Variants in RHBDD1 observed in about 807,000 individuals in gnomAD.
RHBDD1 encodes the protein rhomboid domain containing 1.
Under a neutral mutation model 36.3 loss-of-function variants are expected in RHBDD1, and 38 were observed. The observed-to-expected ratio is 1.05, with a 90% CI of 0.81 to 1.37. The LOEUF (loss-of-function observed/expected upper bound fraction) is 1.37, where lower values mean the gene tolerates loss of function less well. RHBDD1 is among the 40% of genes most tolerant of loss of function. The probability of loss-of-function intolerance (pLI) is 0.00; values close to 1 mark genes in which losing one functional copy is unlikely to be tolerated. For synonymous variants in RHBDD1, 151 were observed against 136.5 expected (o/e 1.11, Z -0.74); for missense variants, 393 against 377.6 (o/e 1.04, Z -0.34).
intron 8 of RHBDD1, among the ~76,000 whole-genome samples, chr2:226,994,303 C>T (rs1009934109): frequency 3.3e-5 from 5 of 152,200 alleles, no homozygotes; most frequent in African/African-American, 9.7e-5. Context: ...CATTTTAGAG[C>T]TTATGATCCT....
chr2:226,853,302 A>G (rs1402989225), intron 3 of RHBDD1, among the ~76,000 whole-genome samples: 1 of 152,228 alleles, frequency 6.6e-6, no homozygotes, highest in Non-Finnish European at 1.5e-5. Context: ...GAAGCAGAAC[A>G]TTGAACTATT....
chr2:226,816,893 CA>C, the RHBDD1 span, among the ~76,000 whole-genome samples: 4 of 139,626 alleles, frequency 2.9e-5, no homozygotes, highest in African/African-American at 9.9e-5. Context: ...GACGCCATCT[CA>C]AAAAAACCAC....
chr2:226,983,588 C>A (rs1332464433), intron 8 of RHBDD1, among the ~76,000 whole-genome samples: 1 of 152,122 alleles, frequency 6.6e-6, no homozygotes, highest in Non-Finnish European at 1.5e-5. Context: ...ACTTTTTGTC[C>A]CTTTTCAAAG....
At chr2:226,955,922 G>A (rs756245346) in intron 8 of RHBDD1, among the ~76,000 whole-genome samples, 1 of 152,178 alleles carries the variant, frequency 6.6e-6, no homozygotes, top group Admixed American at 6.5e-5. Context: ...GGGGGGACAT[G>A]ATTTAGTCCC....
chr2:226,982,768 T>TGC (rs1956061482), intron 8 of RHBDD1, among the ~76,000 whole-genome samples: 1 of 152,196 alleles, frequency 6.6e-6, no homozygotes, highest in Non-Finnish European at 1.5e-5. Context: ...TTTCATTCAT[T>TGC]CCTCAAGCAT....
chr2:226,913,681 G>A (rs2396435), intron 7 of RHBDD1, among the ~76,000 whole-genome samples: 64,773 of 151,684 alleles, frequency 0.43, 13,930 homozygotes, highest in South Asian at 0.5. Context: ...TTGGGGGGGA[G>A]CTATAATCTC....
chr2:226,825,976 A>G, the RHBDD1 span, among the ~76,000 whole-genome samples: 1 of 152,220 alleles, frequency 6.6e-6, no homozygotes, highest in Non-Finnish European at 1.5e-5. Flanking sequence ...AAAGCTCTAA[A>G]TGGATTATCG....
chr2:226,858,250 T>C (rs1333100440), intron 3 of RHBDD1, among the ~76,000 whole-genome samples: 1 of 152,216 alleles, frequency 6.6e-6, no homozygotes, highest in Non-Finnish European at 1.5e-5. Context: ...GGCATGAAAG[T>C]AGTGCTAATG....
At chr2:226,890,632 C>T (rs1298513233) in intron 5 of RHBDD1, among the ~76,000 whole-genome samples, 1 of 152,138 alleles carries the variant, frequency 6.6e-6, no homozygotes, top group Non-Finnish European at 1.5e-5. Context: ...CCTTTGGTTA[C>T]AATTTAAAGA....
intron 8 of RHBDD1, among the ~76,000 whole-genome samples, chr2:226,973,421 GT>G (rs1953955086): frequency 6.6e-6 from 1 of 152,208 alleles, no homozygotes; most frequent in Non-Finnish European, 1.5e-5. Flanking sequence ...GGAAGTGAGT[GT>G]TTGCCTGTTC....
At chr2:226,919,554 C>T (rs1465172597) in intron 8 of RHBDD1, among the ~76,000 whole-genome samples, 1 of 151,974 alleles carries the variant, frequency 6.6e-6, no homozygotes, top group African/African-American at 2.4e-5. Context: ...ATCCAGTTCC[C>T]TCAGGAGTAT....
intron 3 of RHBDD1, among the ~76,000 whole-genome samples, chr2:226,855,638 A>G (rs186189732): frequency 7.9e-4 from 121 of 152,350 alleles, no homozygotes; most frequent in African/African-American, 2.8e-3. Flanking sequence ...AATAAAGTGT[A>G]TGAAGTTGGA....
At chr2:226,874,921 T>C (rs886265358) in intron 5 of RHBDD1, among the ~76,000 whole-genome samples, 2 of 152,186 alleles carry the variant, frequency 1.3e-5, no homozygotes, top group African/African-American at 2.4e-5. Context: ...TTTTATTGTC[T>C]CCTTGTGAAT....
chr2:226,960,635 C>G (rs61636458), intron 8 of RHBDD1, among the ~76,000 whole-genome samples: 2,256 of 152,282 alleles, frequency 0.015, 66 homozygotes, highest in African/African-American at 0.052. Context: ...GGGTTATCAA[C>G]TTATTTTATT....
chr2:226,855,875 T>C (rs1943271507), intron 3 of RHBDD1, among the ~76,000 whole-genome samples: 1 of 152,242 alleles, frequency 6.6e-6, no homozygotes, highest in Non-Finnish European at 1.5e-5. Context: ...TTTTCATTCA[T>C]TTTGATTGTC....
At chr2:226,824,701 C>A in the RHBDD1 span, among the ~76,000 whole-genome samples, 1 of 152,204 alleles carries the variant, frequency 6.6e-6, no homozygotes, top group Non-Finnish European at 1.5e-5. Flanking sequence ...TTGTCCCAGG[C>A]TCCCTTCACC....
At chr2:226,881,220 C>T (rs1353388765) in intron 5 of RHBDD1, among the ~76,000 whole-genome samples, 1 of 152,184 alleles carries the variant, frequency 6.6e-6, no homozygotes, top group Non-Finnish European at 1.5e-5. Flanking sequence ...TTACCTCCAC[C>T]TGGTCTCTCC....
At chr2:226,961,029 T>C (rs1559315211) in intron 8 of RHBDD1, among the ~76,000 whole-genome samples, 1 of 152,168 alleles carries the variant, frequency 6.6e-6, no homozygotes. Flanking sequence ...TTTTTAAATA[T>C]ATGTAAAGCG....
the RHBDD1 span, among the ~76,000 whole-genome samples, chr2:226,822,191 C>T: frequency 0.51 from 77,206 of 152,102 alleles, 23,353 homozygotes; most frequent in Non-Finnish European, 0.68. Flanking sequence ...AGACCTATAC[C>T]TCCCCTGACT....
Sources: gnomAD v4.1 joint callset for allele counts (sites outside exome capture counted in the v4.1 genomes callset) on GRCh38, gnomAD v4.1.1 for gene constraint, MANE v1.5 for transcripts, NCBI Gene and HGNC (gene_info 2026-07-23, HGNC 2026-07-21) for gene names.